CHRNA9: variants seen among roughly 807,000 people sequenced by gnomAD.
The protein encoded by CHRNA9 is neuronal acetylcholine receptor subunit alpha-9.
Under a neutral mutation model 36.8 loss-of-function variants are expected in CHRNA9, and 24 were observed. The ratio of observed to expected loss-of-function variants is 0.65; its 90% CI spans 0.47 to 0.92. CHRNA9 has a LOEUF of 0.92. Ranked by LOEUF, CHRNA9 falls within the 40% of genes least tolerant of loss-of-function variation. The pLI is 0.00. For synonymous variants in CHRNA9, 231 were observed against 231.8 expected (o/e 1.00, Z 0.03); for missense variants, 610 against 601.2 (o/e 1.01, Z -0.15).
At position 40,349,014 on chromosome 4, in the gene CHRNA9, C is replaced by T. The variant is rs754877378; in HGVS notation, c.498C>T (p.Asn166=). Residue 166 remains asparagine, a synonymous_variant, in exon 4 of 5, where the codon AAC becomes AAT. Coordinates refer to ENST00000310169, the MANE Select transcript of CHRNA9 (RefSeq NM_017581.4). The stretch of plus-strand genomic sequence containing the variant: ...ATGTCACCTACTTCCCTTTTGACAA[C>T]CAGCAGTGCAACCTGACTTTTGGTT... ...VVDVTYFPFD[N]QQCNLTFGSW... 8.7e-6 allele frequency: 14 copies of T among 1,614,186 alleles called. No homozygotes were observed. Among genetic ancestry groups the T allele is most frequent in the Non-Finnish European group, 1.2e-5 (14 of 1,180,032 alleles).
At chr4:40,339,454 G>A (rs532536784) in intron 3 of CHRNA9, among the ~76,000 whole-genome samples, 134 of 150,976 alleles carry the variant, frequency 8.9e-4, no homozygotes, top group Non-Finnish European at 1.4e-3. Context: ...AGGCCGAGGG[G>A]GGCGGATCAT....
Position 40,337,279 on chromosome 4 carries a change from T to C in CHRNA9, c.280T>C (p.Trp94Arg). The C allele has an allele frequency of 6.2e-7, 1 of 1,614,148 alleles. No homozygotes were observed. The highest frequency in any genetic ancestry group is 1.1e-5 in the South Asian group (1 of 91,078). ...RQIWHDAYLT[W>R]DRDQYDGLDS... is the part of the protein sequence containing the mutation. ...AATCTGGCACGATGCCTATCTCACG[T>C]GGGACCGAGATCAGTACGATGGCCT... Residue 94 changes from tryptophan to arginine, a missense_variant, in exon 3 of 5, where the codon TGG becomes CGG. Trp to Arg is a moderately radical substitution (Grantham distance 101). Coordinates refer to ENST00000310169, the MANE Select transcript of CHRNA9 (RefSeq NM_017581.4).
chr4:40,346,059 C>T (rs1253105302), intron 3 of CHRNA9, among the ~76,000 whole-genome samples: 1 of 152,116 alleles, frequency 6.6e-6, no homozygotes, highest in Non-Finnish European at 1.5e-5. Context: ...AACAAAAACC[C>T]ACAACCTACT....
chr4:40,344,678 T>C (rs757587625), intron 3 of CHRNA9, among the ~76,000 whole-genome samples: 4 of 152,184 alleles, frequency 2.6e-5, no homozygotes, highest in Non-Finnish European at 5.9e-5. Context: ...GACAGAGATA[T>C]AACCCACCTA....
chr4:40,337,477 A>G lies in CHRNA9; in HGVS notation c.365+113A>G, dbSNP rs554984075. 1.0e-3 allele frequency: 1,254 copies of G among 1,208,624 alleles called. 3 individuals are homozygous for G. Among genetic ancestry groups the G allele is most frequent in the Non-Finnish European group, 1.3e-3 (1,094 of 873,322 alleles). The allele number at this position is 1,208,624 out of a possible 1,614,324, so 74.9% of individuals were successfully genotyped here. A position where few individuals can be genotyped will look rare whatever the true frequency, so the allele number is the denominator to read the frequency against. ...CATGCATGAAATTAAATATTAATCCATGTTCCTAGGACTTACTGAAATAAG... is the reference window on the plus strand; with the variant it reads ...CATGCATGAAATTAAATATTAATCCGTGTTCCTAGGACTTACTGAAATAAG... On this transcript the variant is annotated intron_variant, in intron 3 of 4. Transcript: ENST00000310169.
At chr4:40,350,862 A>C (rs774937334) in intron 4 of CHRNA9, among the ~76,000 whole-genome samples, 20 of 152,140 alleles carry the variant, frequency 1.3e-4, no homozygotes, top group Non-Finnish European at 2.6e-4. Context: ...GTTTGAGGAA[A>C]GATCATGGGG....
chr4:40,337,476 C>A, intron 3 of CHRNA9, 112 bp downstream of exon 3: 2 of 1,226,160 alleles, frequency 1.6e-6, no homozygotes, highest in Admixed American at 2.5e-5. Context: ...AATATTAATC[C>A]ATGTTCCTAG....
At chr4:40,341,393 G>C (rs11930551) in intron 3 of CHRNA9, among the ~76,000 whole-genome samples, 113,768 of 151,410 alleles carry the variant, frequency 0.75, 43,279 homozygotes, top group East Asian at 0.95. Flanking sequence ...CAAGTTGAGA[G>C]AGTATTCTCC....
rs1158279185 is a variant in CHRNA9, at chr4:40,349,408, C to T, written c.892C>T (p.Leu298=). Residue 298 remains leucine (L), a synonymous_variant, in exon 4 of 5, where the codon CTG becomes TTG. Coordinates refer to ENST00000310169, the MANE Select transcript of CHRNA9 (RefSeq NM_017581.4). Reference sequence around the variant, plus strand: ...CATGCCGGCCTCAGAAAATGTGCCCCTGATAGGTGAGTCCAAGTGTCTTCC... The same window carrying T: ...CATGCCGGCCTCAGAAAATGTGCCCTTGATAGGTGAGTCCAAGTGTCTTCC... The part of the protein sequence containing the change: ...EIMPASENVP[L]IGKYYIATMA... 2 of 1,611,878 alleles carry T rather than the reference C, an allele frequency of 1.2e-6. No homozygotes were observed. Among genetic ancestry groups the T allele is most frequent in the Admixed American group, 1.7e-5 (1 of 59,928 alleles).
intron 4 of CHRNA9, among the ~76,000 whole-genome samples, chr4:40,352,901 G>C (rs185733449): frequency 1.4e-4 from 21 of 152,198 alleles, no homozygotes; most frequent in African/African-American, 5.1e-4. Context: ...TTGTTTGTTC[G>C]TTGAGTGTGG....
In CHRNA9 at chr4:40,353,028, G is replaced by A. The variant is rs117870300; in HGVS notation, c.899-951G>A. ...CAATTACGCCTCCTCATATTCCTGC[G>A]AGTTAGATATTATTATTACACCCAC... On this transcript the variant is annotated intron_variant, in intron 4 of 4. Transcript: ENST00000310169. 1.4e-3 allele frequency among the ~76,000 whole-genome samples: 212 copies of A among 152,170 alleles called. 6 individuals carry two copies. The East Asian group carries it at 0.038, about 27-fold the overall frequency.
chr4:40,350,123 T>A (rs1403023933), intron 4 of CHRNA9, among the ~76,000 whole-genome samples: 1 of 152,174 alleles, frequency 6.6e-6, no homozygotes, highest in East Asian at 1.9e-4. Flanking sequence ...CAGAAAGATG[T>A]GCTTTTTAAG....
chr4:40,347,466 A>T (rs186552634), intron 3 of CHRNA9, among the ~76,000 whole-genome samples: 1 of 152,252 alleles, frequency 6.6e-6, no homozygotes, highest in African/African-American at 2.4e-5. Flanking sequence ...ATAATGGACT[A>T]TAATAGAATG....
chr4:40,342,439 G>A (rs1712524837), intron 3 of CHRNA9, among the ~76,000 whole-genome samples: 1 of 152,158 alleles, frequency 6.6e-6, no homozygotes, highest in African/African-American at 2.4e-5. Flanking sequence ...GAAAATGGCT[G>A]AGAATAAAGT....
At chr4:40,339,498 T>C (rs1038860279) in intron 3 of CHRNA9, among the ~76,000 whole-genome samples, 11 of 150,700 alleles carry the variant, frequency 7.3e-5, no homozygotes, top group South Asian at 2.1e-4. Flanking sequence ...CTGGCTAACA[T>C]GGTGAAACCC....
chr4:40,346,125 G>C (rs2109684422), intron 3 of CHRNA9, among the ~76,000 whole-genome samples: 1 of 152,348 alleles, frequency 6.6e-6, no homozygotes, highest in African/African-American at 2.4e-5. Context: ...CTTTGGCTTG[G>C]GGTTGGGTTT....
In CHRNA9 at chr4:40,349,233, C is replaced by CTA; in HGVS notation, c.721_722dup (p.Val242SerfsTer17). On this transcript the variant is annotated frameshift_variant, in exon 4 of 5. Transcript: ENST00000310169. LOFTEE classifies it high-confidence loss of function. ...TCCTTCTGAAGAGGAGGTCCTCGTTCTATATCGTCAACCTCCTCATCCCAT... is the reference window on the plus strand; with the variant it reads ...TCCTTCTGAAGAGGAGGTCCTCGTTCTATATATCGTCAACCTCCTCATCCCAT... 5 of 1,614,168 alleles carry CTA rather than the reference C, an allele frequency of 3.1e-6. No homozygotes were observed. Among genetic ancestry groups the CTA allele is most frequent in the Non-Finnish European group, 4.2e-6 (5 of 1,180,022 alleles).
At chr4:40,348,813 C>T (rs1380329478) in intron 3 of CHRNA9, 69 bp from the exon 4 acceptor site, 10 of 1,472,076 alleles carry the variant, frequency 6.8e-6, no homozygotes, top group Non-Finnish European at 8.4e-6. Context: ...GGACAGTGAG[C>T]TGTCTGGGGT....
chr4:40,342,453 A>G (rs1402921876), intron 3 of CHRNA9, among the ~76,000 whole-genome samples: 1 of 152,210 alleles, frequency 6.6e-6, no homozygotes, highest in Non-Finnish European at 1.5e-5. Context: ...ATAAAGTTGA[A>G]AAAACCTCTA....
Sources: allele counts gnomAD v4.1 joint callset (sites outside exome capture counted in the v4.1 genomes callset), GRCh38; gene constraint gnomAD v4.1.1; transcripts MANE v1.5; gene names NCBI Gene and HGNC (gene_info 2026-07-23, HGNC 2026-07-21).